Variants in CDC42EP1 observed in about 807,000 individuals in gnomAD.
CDC42EP1 encodes the protein 55 kDa bone marrow stromal/endothelial cell protein.
A neutral mutation model predicts 7.4 loss-of-function variants in CDC42EP1; 6 were observed. The observed-to-expected ratio is 0.81, with a 90% confidence interval of 0.44 to 1.60. CDC42EP1 has a LOEUF of 1.60. Ranked by LOEUF, CDC42EP1 falls within the 40% of genes most tolerant of loss-of-function variation. The pLI, the probability that CDC42EP1 is intolerant of heterozygous loss-of-function variation, is 0.01. For missense variants in CDC42EP1, 567 were observed against 539.0 expected, an observed-to-expected ratio of 1.05 and a Z score of -0.51; for synonymous variants, 238 against 227.1, an observed-to-expected ratio of 1.05 and a Z score of -0.43.
Position 37,568,739 on chromosome 22 carries a change from C to T in CDC42EP1, c.1095C>T (p.Ser365=). The stretch of plus-strand genomic sequence containing the variant: ...AGTGGAGGGCGCCCCAGGCAGGCAG[C>T]AGGACCCCAGTGCCCAGCACAGTGC... ...DEEWRAPQAG[S]RTPVPSTVQA... The change falls in exon 3 of 3, where the codon AGC becomes AGT. Residue 365 remains serine (S), a synonymous_variant. Coordinates refer to ENST00000249014, the MANE Select transcript of CDC42EP1 (RefSeq NM_152243.3). The T allele has an allele frequency of 6.6e-7, 1 of 1,523,242 alleles. No individual in the cohort carries two copies. The highest frequency in any genetic ancestry group is 8.8e-7 in the Non-Finnish European group (1 of 1,136,930). 94.4% of individuals were successfully genotyped at this position (1,523,242 alleles called of 1,614,324 possible). A position where few individuals can be genotyped will look rare whatever the true frequency, so the allele number is the denominator to read the frequency against.
chr22:37,564,840 G>A (rs1601836856), intron 1 of CDC42EP1, among the ~76,000 whole-genome samples: 5 of 151,922 alleles, frequency 3.3e-5, no homozygotes, highest in Non-Finnish European at 5.9e-5. Context: ...GTGCAGTGGC[G>A]CAATCTCGGC....
At chr22:37,564,669 T>A (rs1220827560) in intron 1 of CDC42EP1, 1 of 152,514 alleles carries the variant, frequency 6.6e-6, no homozygotes, top group African/African-American at 2.4e-5. Flanking sequence ...GGCTCTGGGA[T>A]GTGGGGCCTG....
At position 37,566,618 on chromosome 22, in the gene CDC42EP1, G is replaced by A. The variant is rs747116423; in HGVS notation, c.269G>A (p.Arg90Gln). The change falls in exon 2 of 3, where the codon CGG becomes CAG. Residue 90 changes from arginine to glutamine, a missense_variant. Physicochemically the swap from Arg to Gln is conservative, Grantham distance 43. Coordinates refer to ENST00000249014, the MANE Select transcript of CDC42EP1 (RefSeq NM_152243.3). This position sits in a 1 kb window ranked among gnomAD's most constrained non-coding sequence, Gnocchi z 6.4. ...SFLAKKLQLVRRVGAPPRRMA... is the reference protein window; with the variant it reads ...SFLAKKLQLVQRVGAPPRRMA... Reference sequence around the variant, plus strand: ...CTGGCCAAGAAGCTGCAGCTGGTGCGGAGGGTGGGGGCGCCCCCCCGGAGG... The same window carrying A: ...CTGGCCAAGAAGCTGCAGCTGGTGCAGAGGGTGGGGGCGCCCCCCCGGAGG... 1.4e-5 allele frequency: 22 copies of A among 1,595,014 alleles called. No individual in the cohort carries two copies. Among genetic ancestry groups the A allele is most frequent in the African/African-American group, 6.7e-5 (5 of 74,576 alleles).
chr22:37,561,162 C>G (rs890566358), intron 1 of CDC42EP1, among the ~76,000 whole-genome samples: 2 of 152,206 alleles, frequency 1.3e-5, no homozygotes, highest in African/African-American at 4.8e-5. Context: ...TGAGCCCCGT[C>G]CCCCCAGGGA....
At chr22:37,563,978 G>C (rs1300726650) in intron 1 of CDC42EP1, among the ~76,000 whole-genome samples, 1 of 152,170 alleles carries the variant, frequency 6.6e-6, no homozygotes, top group African/African-American at 2.4e-5. Context: ...AAATCCAGGC[G>C]GCCTCCCCAC....
At chr22:37,564,320 T>C (rs947753253) in intron 1 of CDC42EP1, 12 of 152,220 alleles carry the variant, frequency 7.9e-5, no homozygotes, top group African/African-American at 2.9e-4. Flanking sequence ...CTGAGCTTTT[T>C]CCAAAGCTTG....
rs1241241511 is a variant in CDC42EP1 at position 37,568,700 on chromosome 22, G to A, written c.1056G>A (p.Glu352=). ...EVLPQARASW[E]SLDEEWRAPQ... is the part of the protein sequence containing the mutation. The stretch of plus-strand genomic sequence containing the variant: ...TGCCCCAAGCCCGGGCCTCCTGGGA[G>A]AGCCTGGACGAAGAGTGGAGGGCGC... Residue 352 remains glutamate (E), a synonymous_variant, in exon 3 of 3, where the codon GAG becomes GAA. Coordinates refer to ENST00000249014, the MANE Select transcript of CDC42EP1 (RefSeq NM_152243.3). 1.3e-6 allele frequency: 2 copies of A among 1,538,370 alleles called. No homozygotes were observed. The highest frequency in any genetic ancestry group is 2.0e-5 in the Admixed American group (1 of 49,734).
Position 37,568,559 on chromosome 22 carries a change from G to C in CDC42EP1, c.915G>C (p.Val305=), listed in dbSNP as rs1266860222. 5 of 1,607,560 alleles carry C rather than the reference G, an allele frequency of 3.1e-6. No individual in the cohort carries two copies. The highest frequency in any genetic ancestry group is 1.7e-5 in the Admixed American group (1 of 58,942). The stretch of plus-strand genomic sequence containing the variant: ...TGGCTGAGGTGAAGTCCAGCCCAGT[G>C]GGAGGGGGTCCCCGAGGACCTGCTG... The part of the protein sequence containing the change: ...GPVAEVKSSP[V]GGGPRGPAGP... Residue 305 remains valine, a synonymous_variant, in exon 3 of 3, where the codon GTG becomes GTC. Coordinates refer to ENST00000249014, the MANE Select transcript of CDC42EP1 (RefSeq NM_152243.3).
intron 1 of CDC42EP1, among the ~76,000 whole-genome samples, chr22:37,560,923 G>A (rs1330606331): frequency 6.6e-6 from 1 of 151,932 alleles, no homozygotes; most frequent in Non-Finnish European, 1.5e-5. Context: ...GGGAAGGAAG[G>A]GCCGGGGCGG....
Position 37,568,939 on chromosome 22 carries a change from C to T in CDC42EP1, c.*119C>T. 1 of 599,210 alleles carries T rather than the reference C, an allele frequency of 1.7e-6. No homozygotes were observed. The allele number at this position is 599,210 out of a possible 1,614,324, so 37.1% of individuals were successfully genotyped here. ...ATGTTGCCCCTAAACCCCTCCCCAC[C>T]TCTGCAGGACAGACATGGGAGGGAG... On this transcript the variant is annotated 3_prime_UTR_variant, in exon 3 of 3. Transcript: ENST00000249014.
intron 1 of CDC42EP1, among the ~76,000 whole-genome samples, chr22:37,561,378 C>T (rs1315763868): frequency 6.6e-6 from 1 of 152,254 alleles, no homozygotes; most frequent in Non-Finnish European, 1.5e-5. Context: ...GGCCCGCAGC[C>T]GCTCCGTCTC....
chr22:37,566,138 A>G lies in CDC42EP1; in HGVS notation c.-212A>G. 9.1e-6 allele frequency: 4 copies of G among 441,774 alleles called. No homozygotes were observed. Among genetic ancestry groups the G allele is most frequent in the Non-Finnish European group, 1.6e-5 (4 of 250,874 alleles). The allele number at this position is 441,774 out of a possible 1,614,324, so 27.4% of individuals were successfully genotyped here. ...GTGCTTTCTCTGCGCTTGAACATCT[A>G]TAGCTGCTTCTGAGGGGCTGGGAGC... On this transcript the variant is annotated 5_prime_UTR_variant, in exon 2 of 3. Coordinates refer to ENST00000249014, the MANE Select transcript of CDC42EP1 (RefSeq NM_152243.3). The surrounding 1 kb of genome is among the most constrained non-coding windows in gnomAD (Gnocchi z 6.4).
chr22:37,566,548 C>T lies in CDC42EP1; in HGVS notation c.199C>T (p.His67Tyr), dbSNP rs1925248636. Residue 67 changes from histidine (H) to tyrosine (Y), a missense_variant, in exon 2 of 3, where the codon CAC becomes TAC. Coordinates refer to ENST00000249014, the MANE Select transcript of CDC42EP1 (RefSeq NM_152243.3). The surrounding 1 kb of genome is among the most constrained non-coding windows in gnomAD (Gnocchi z 6.4). ...VFGDTSFLSN[H>Y]GGSSGSTHRS... The stretch of plus-strand genomic sequence containing the variant: ...CGGGGACACGTCCTTCCTCAGCAAC[C>T]ACGGTGGCAGCTCCGGGAGCACCCA... The T allele has an allele frequency of 1.2e-6, 2 of 1,609,094 alleles. No homozygotes were observed. The highest frequency in any genetic ancestry group is 1.7e-6 in the Non-Finnish European group (2 of 1,176,382).
At chr22:37,561,121 C>G (rs1166643759) in intron 1 of CDC42EP1, among the ~76,000 whole-genome samples, 1 of 152,176 alleles carries the variant, frequency 6.6e-6, no homozygotes, top group Non-Finnish European at 1.5e-5. Context: ...GCCGGTCGTC[C>G]CCTTCCCCCG....
At chr22:37,565,890 A>T (rs1166510082) in intron 1 of CDC42EP1, among the ~76,000 whole-genome samples, 182 bp from the exon 2 acceptor site, 9 of 151,776 alleles carry the variant, frequency 5.9e-5, no homozygotes, top group Non-Finnish European at 1.3e-4. Flanking sequence ...GTGTTCTTGA[A>T]CTTTCTATAC....
At chr22:37,568,022 C>A in intron 2 of CDC42EP1, 86 bp from the exon 3 acceptor site, 1 of 1,207,420 alleles carries the variant, frequency 8.3e-7, no homozygotes. Context: ...AGAGGCCACA[C>A]AGCAAGCCAG....
Position 37,566,826 on chromosome 22 carries a change from C to T in CDC42EP1, c.463+14C>T, listed in dbSNP as rs2145812259. The T allele has an allele frequency of 6.6e-7, 1 of 1,521,218 alleles. No individual in the cohort carries two copies. Among genetic ancestry groups the T allele is most frequent in the Non-Finnish European group, 8.8e-7 (1 of 1,134,640 alleles). The allele number at this position is 1,521,218 out of a possible 1,614,324, so 94.2% of individuals were successfully genotyped here. ...ACTCCAGCTACGGTGAGGGCCTGGG[C>T]CATCTTGGCCCACTTTTCAGAGGCT... On this transcript the variant is annotated intron_variant, in intron 2 of 2. Coordinates refer to ENST00000249014, the MANE Select transcript of CDC42EP1 (RefSeq NM_152243.3). The surrounding 1 kb of genome is among the most constrained non-coding windows in gnomAD (Gnocchi z 6.4).
Position 37,568,382 on chromosome 22 carries a change from A to T in CDC42EP1, c.738A>T (p.Pro246=). ...CCACGGGTCCTGCTGCAAACCCCCCAGCCACTACTGCAAACCCCCCAGCGC... is the reference window on the plus strand; with the variant it reads ...CCACGGGTCCTGCTGCAAACCCCCCTGCCACTACTGCAAACCCCCCAGCGC... ...ANPTGPAANP[P]ATTANPPAPA... is the part of the protein sequence containing the mutation. Residue 246 remains proline (P), a synonymous_variant, in exon 3 of 3, where the codon CCA becomes CCT. Transcript: ENST00000249014. 7.7e-7 allele frequency: 1 copy of T among 1,296,596 alleles called. No homozygotes were observed. The highest frequency in any genetic ancestry group is 1.1e-6 in the Non-Finnish European group (1 of 951,424). The allele number at this position is 1,296,596 out of a possible 1,614,324, so 80.3% of individuals were successfully genotyped here. A position where few individuals can be genotyped will look rare whatever the true frequency, so the allele number is the denominator to read the frequency against.
Position 37,566,266 on chromosome 22 carries a change from C to A in CDC42EP1, c.-84C>A. On this transcript the variant is annotated 5_prime_UTR_variant, in exon 2 of 3. The change creates a new upstream start codon in the 5' untranslated region. Transcript: ENST00000249014. The surrounding 1 kb of genome is among the most constrained non-coding windows in gnomAD (Gnocchi z 6.4). ...TACAGCTTCCGCCAGGGCAAAGGAG[C>A]TGAGCAGCCATCCCAAGCCCAGCCC... 1 of 779,248 alleles carries A rather than the reference C, an allele frequency of 1.3e-6. No individual in the cohort carries two copies. Among genetic ancestry groups the A allele is most frequent in the Non-Finnish European group, 2.0e-6 (1 of 501,342 alleles). The allele number at this position is 779,248 out of a possible 1,614,324, so 48.3% of individuals were successfully genotyped here.
Sources: allele counts gnomAD v4.1 joint callset (sites outside exome capture counted in the v4.1 genomes callset), GRCh38; gene constraint gnomAD v4.1.1; non-coding constraint Gnocchi (gnomAD v3.1); transcripts MANE v1.5; gene names NCBI Gene and HGNC (gene_info 2026-07-23, HGNC 2026-07-21).